Variants in RFX7 observed in about 807,000 individuals in gnomAD.
The protein encoded by RFX7 is regulatory factor X7, also known as DNA-binding protein RFX7.
A neutral mutation model predicts 111.8 loss-of-function variants in RFX7; 26 were observed. The ratio of observed to expected loss-of-function variants is 0.23; its 90% CI spans 0.17 to 0.32. RFX7 has a LOEUF of 0.32. RFX7 is among the 10% of genes least tolerant of loss of function. RFX7 has a pLI of 1.00. For missense variants in RFX7, 1,573 were observed against 1,772.9 expected (o/e 0.89, Z 2.02); for synonymous variants, 624 against 624.4 (o/e 1.00, Z 0.01).
intron 4 of RFX7, 111 bp from the exon 5 acceptor site, chr15:56,143,011 C>G: frequency 8.7e-7 from 1 of 1,149,888 alleles, no homozygotes; most frequent in South Asian, 1.5e-5. Flanking sequence ...CTATCAACGA[C>G]CAAACCAAAC....
chr15:56,227,874 A>G (rs2043503135), intron 2 of RFX7, among the ~76,000 whole-genome samples: 1 of 152,138 alleles, frequency 6.6e-6, no homozygotes, highest in Non-Finnish European at 1.5e-5. Context: ...ACCTCTTCAC[A>G]TTTTGTGCAA....
At chr15:56,121,723 G>GT (rs1364458810) in intron 5 of RFX7, among the ~76,000 whole-genome samples, 10 of 151,488 alleles carry the variant, frequency 6.6e-5, no homozygotes, top group South Asian at 2.1e-4. Flanking sequence ...TTTTTTTATT[G>GT]TTTTTTTGTC....
chr15:56,178,411 C>T (rs1160951088), intron 3 of RFX7, among the ~76,000 whole-genome samples: 1 of 151,980 alleles, frequency 6.6e-6, no homozygotes, highest in African/African-American at 2.4e-5. Context: ...ATTTCAGCAC[C>T]AGACACTGTA....
intron 5 of RFX7, among the ~76,000 whole-genome samples, chr15:56,139,619 C>A (rs1475795968): frequency 2.0e-5 from 3 of 152,240 alleles, no homozygotes; most frequent in African/African-American, 7.2e-5. Flanking sequence ...CTCTGCTCCT[C>A]AAAGACATTC....
intron 3 of RFX7, among the ~76,000 whole-genome samples, chr15:56,160,443 T>C (rs1393830134): frequency 6.6e-6 from 1 of 152,038 alleles, no homozygotes; most frequent in African/African-American, 2.4e-5. Context: ...GTTTCTTCAG[T>C]TGAGTTACCA....
chr15:56,119,791 A>AG (rs1412172335), intron 5 of RFX7, among the ~76,000 whole-genome samples: 85 of 151,348 alleles, frequency 5.6e-4, no homozygotes, highest in African/African-American at 2.0e-3. Flanking sequence ...AAAAAAAAAA[A>AG]AAAGAAAGAA....
At chr15:56,133,555 T>C (rs1431841664) in intron 5 of RFX7, among the ~76,000 whole-genome samples, 1 of 152,108 alleles carries the variant, frequency 6.6e-6, no homozygotes, top group African/African-American at 2.4e-5. Context: ...TGTTAAGTTT[T>C]TGTTCGGGAA....
At chr15:56,102,563 G>A (rs2041769041) in intron 6 of RFX7, among the ~76,000 whole-genome samples, 1 of 152,168 alleles carries the variant, frequency 6.6e-6, no homozygotes, top group Non-Finnish European at 1.5e-5. Context: ...AGGTCAGAAG[G>A]AAAGGAATAG....
chr15:56,108,332 T>C (rs1202978335), intron 5 of RFX7, among the ~76,000 whole-genome samples: 6 of 152,112 alleles, frequency 3.9e-5, no homozygotes, highest in African/African-American at 9.7e-5. Flanking sequence ...TCCAGCAGCA[T>C]ATCAAAAAGC....
intron 6 of RFX7, among the ~76,000 whole-genome samples, chr15:56,102,494 T>G (rs1402874260): frequency 6.6e-6 from 1 of 152,220 alleles, no homozygotes; most frequent in Non-Finnish European, 1.5e-5. Context: ...GATTCTCATC[T>G]GTTATAAATT....
chr15:56,183,909 T>G (rs987884362), intron 2 of RFX7, among the ~76,000 whole-genome samples: 7 of 152,172 alleles, frequency 4.6e-5, no homozygotes, highest in Admixed American at 4.6e-4. Context: ...AACTTACAGA[T>G]GGTATTGTGA....
At chr15:56,207,518 C>T (rs1425475750) in intron 2 of RFX7, among the ~76,000 whole-genome samples, 1 of 151,990 alleles carries the variant, frequency 6.6e-6, no homozygotes, top group Non-Finnish European at 1.5e-5. Flanking sequence ...AAAATTAACT[C>T]AAAATGGATC....
At chr15:56,144,555 A>T in intron 3 of RFX7, 72 bp from the exon 4 acceptor site, 1 of 671,298 alleles carries the variant, frequency 1.5e-6, no homozygotes, top group South Asian at 1.5e-5. Flanking sequence ...AAATTTACTA[A>T]CATCTCCCTA....
At chr15:56,133,778 C>T (rs1199193707) in intron 5 of RFX7, among the ~76,000 whole-genome samples, 1 of 152,026 alleles carries the variant, frequency 6.6e-6, no homozygotes, top group Non-Finnish European at 1.5e-5. Context: ...TTTTTTATCT[C>T]TTTCAAATTA....
At chr15:56,215,564 C>T (rs1490741433) in intron 2 of RFX7, among the ~76,000 whole-genome samples, 1 of 152,098 alleles carries the variant, frequency 6.6e-6, no homozygotes, top group African/African-American at 2.4e-5. Flanking sequence ...ATGTTATTAC[C>T]ATTTTTATAC....
At chr15:56,196,107 T>C (rs1373175481) in intron 2 of RFX7, among the ~76,000 whole-genome samples, 3 of 152,196 alleles carry the variant, frequency 2.0e-5, no homozygotes, top group African/African-American at 7.2e-5. Context: ...CATTATTTCA[T>C]TCATATATTT....
chr15:56,195,552 T>C (rs991661068), intron 2 of RFX7, among the ~76,000 whole-genome samples: 3 of 152,172 alleles, frequency 2.0e-5, no homozygotes, highest in African/African-American at 7.2e-5. Flanking sequence ...TTCTTAGTAC[T>C]TGCCTGCTCT....
intron 2 of RFX7, among the ~76,000 whole-genome samples, chr15:56,209,769 A>T (rs1052987102): frequency 6.6e-6 from 1 of 152,004 alleles, no homozygotes; most frequent in Non-Finnish European, 1.5e-5. Flanking sequence ...TTAGTTGTAA[A>T]TGTATACTGA....
upstream of RFX7, chr15:56,243,893 G>A (rs185671873): frequency 9.5e-3 from 1,410 of 148,994 alleles, 128 homozygotes; most frequent in East Asian, 0.23. Flanking sequence ...CTGCGGCCCG[G>A]CGCAGACCGC....
Sources: gnomAD v4.1 joint callset for allele counts (sites outside exome capture counted in the v4.1 genomes callset) on GRCh38, gnomAD v4.1.1 for gene constraint, MANE v1.5 for transcripts, NCBI Gene and HGNC (gene_info 2026-07-23, HGNC 2026-07-21) for gene names.